DNAAF9: variants seen among roughly 807,000 people sequenced by gnomAD.
The protein encoded by DNAAF9 is shulin.
DNAAF9 carries 90 observed loss-of-function variants against 167.0 expected under a neutral mutation model. The ratio of observed to expected loss-of-function variants is 0.54; its 90% CI spans 0.45 to 0.64. DNAAF9 has a LOEUF of 0.64. DNAAF9 is among the 30% of genes least tolerant of loss of function. DNAAF9 has a pLI of 0.00. For missense variants in DNAAF9, 1,315 were observed against 1,442.2 expected, an observed-to-expected ratio of 0.91 and a Z score of 1.43; for synonymous variants, 491 against 508.8, an observed-to-expected ratio of 0.96 and a Z score of 0.47.
At chr20:3,308,341 C>CTTT (rs35610785) in intron 20 of DNAAF9, among the ~76,000 whole-genome samples, 13 of 105,434 alleles carry the variant, frequency 1.2e-4, no homozygotes, top group Non-Finnish European at 1.9e-4. Context: ...CAAAACTTTA[C>CTTT]TTTTTTTTTT....
rs780729818 is a variant in DNAAF9, at chr20:3,376,274, G to T, written c.312C>A (p.Ser104Arg). Residue 104 changes from serine to arginine, a missense_variant, in exon 4 of 37, where the codon AGC becomes AGA. Coordinates refer to ENST00000252032, the MANE Select transcript of DNAAF9 (RefSeq NM_001009984.3). ...DDVIILIKSD[S>R]VHLYCNPVNF... ...TTACAGGATTACAGTACAGATGGACGCTATCCGATTTAATCAATATAATTA... is the reference window on the plus strand; with the variant it reads ...TTACAGGATTACAGTACAGATGGACTCTATCCGATTTAATCAATATAATTA... 2 of 1,610,700 alleles carry T rather than the reference G, an allele frequency of 1.2e-6. No homozygotes were observed. Among genetic ancestry groups the T allele is most frequent in the Non-Finnish European group, 8.5e-7 (1 of 1,177,810 alleles).
At position 3,280,086 on chromosome 20, in the gene DNAAF9, C is replaced by T. The variant is rs572473962; in HGVS notation, c.2613-1137G>A. Among the ~76,000 whole-genome samples the T allele has an allele frequency of 3.5e-4, 53 of 152,212 alleles. 1 individual carries two copies. Among genetic ancestry groups the T allele is most frequent in the South Asian group, 2.1e-3 (10 of 4,818 alleles). ...TTGGGCTGTGAATCCTGTTCCCTTA[C>T]CTGACTCCCTCATAGTTTCTGAAGA... On this transcript the variant is annotated intron_variant, in intron 28 of 36. Coordinates refer to ENST00000252032, the MANE Select transcript of DNAAF9 (RefSeq NM_001009984.3).
intron 17 of DNAAF9, among the ~76,000 whole-genome samples, chr20:3,317,857 A>T (rs1026135128): frequency 2.0e-5 from 3 of 152,114 alleles, no homozygotes; most frequent in African/African-American, 7.2e-5. Context: ...TTGGGCTCCC[A>T]AAGTGCTGGG....
At chr20:3,299,151 C>T (rs938033720) in intron 21 of DNAAF9, among the ~76,000 whole-genome samples, 2 of 151,600 alleles carry the variant, frequency 1.3e-5, no homozygotes, top group Admixed American at 1.3e-4. Flanking sequence ...TCATAATCCG[C>T]CCGCCTTGGC....
At position 3,281,684 on chromosome 20, in the gene DNAAF9, T is replaced by G. The variant is rs1365465989; in HGVS notation, c.2569A>C (p.Ile857Leu). The change falls in exon 28 of 37, where the codon ATC becomes CTC. Residue 857 changes from isoleucine to leucine, a missense_variant. Around this residue, in one of 2 missense-constraint regions of DNAAF9, gnomAD observed 334 missense variants for 429.7 expected, o/e 0.78. Coordinates refer to ENST00000252032, the MANE Select transcript of DNAAF9 (RefSeq NM_001009984.3). ...CTCATGGGCTCCACACATGCTGTGATGGCACCAATGGTGAAGGAGGCCTTG... is the reference window on the plus strand; with the variant it reads ...CTCATGGGCTCCACACATGCTGTGAGGGCACCAATGGTGAAGGAGGCCTTG... ...NVKASFTIGAITACVEPMSCY... is the reference protein window; with the variant it reads ...NVKASFTIGALTACVEPMSCY... The G allele has an allele frequency of 6.2e-7, 1 of 1,612,912 alleles. No individual in the cohort carries two copies. Among genetic ancestry groups the G allele is most frequent in the Non-Finnish European group, 8.5e-7 (1 of 1,179,488 alleles).
At position 3,294,617 on chromosome 20, in the gene DNAAF9, T is replaced by A; in HGVS notation, c.2031A>T (p.Ala677=). 6.2e-7 allele frequency: 1 copy of A among 1,608,492 alleles called. No homozygotes were observed. The highest frequency in any genetic ancestry group is 1.3e-5 in the African/African-American group (1 of 74,912). ...SVEQKRLHSS[A]QKLFSALSQP... ...GGCTCAGGGCACTGAAGAGCTTCTG[T>A]GCACTGGAGTGCCTGGAATAACAAA... The change falls in exon 24 of 37, where the codon GCA becomes GCT. Residue 677 remains alanine, a synonymous_variant. Transcript: ENST00000252032.
At chr20:3,268,889 CTA>C (rs1274532980) in intron 30 of DNAAF9, among the ~76,000 whole-genome samples, 45 of 114,704 alleles carry the variant, frequency 3.9e-4, no homozygotes, top group African/African-American at 1.4e-3. Context: ...GATAATATCT[CTA>C]TGTTACTTTT....
intron 7 of DNAAF9, among the ~76,000 whole-genome samples, chr20:3,357,715 G>A (rs1055467031): frequency 2.8e-4 from 42 of 151,628 alleles, no homozygotes; most frequent in Admixed American, 7.9e-4. Flanking sequence ...TTTTTAGACA[G>A]AATCTCGCTG....
In DNAAF9 at chr20:3,275,517, G is replaced by T. The variant is rs938047064; in HGVS notation, c.2650+3395C>A. The stretch of plus-strand genomic sequence containing the variant: ...TGTACCATATGGACAAAGCTTGTGG[G>T]GTTGGGATTCTAGGTCAGGAACTGG... On this transcript the variant is annotated intron_variant, in intron 29 of 36. Coordinates refer to ENST00000252032, the MANE Select transcript of DNAAF9 (RefSeq NM_001009984.3). Among the ~76,000 whole-genome samples, 22 of 152,190 alleles carry T rather than the reference G, an allele frequency of 1.4e-4. 1 individual carries two copies. The highest frequency in any genetic ancestry group is 1.4e-3 in the Admixed American group (22 of 15,284).
intron 9 of DNAAF9, among the ~76,000 whole-genome samples, chr20:3,342,565 T>C (rs1284146868): frequency 6.6e-6 from 1 of 152,198 alleles, no homozygotes; most frequent in Admixed American, 6.5e-5. Flanking sequence ...GTGAGCGCCA[T>C]GTAAAGAATT....
intron 20 of DNAAF9, among the ~76,000 whole-genome samples, chr20:3,313,446 A>G (rs1294983063): frequency 2.6e-5 from 4 of 152,254 alleles, no homozygotes; most frequent in Non-Finnish European, 5.9e-5. Context: ...AATATTTTCA[A>G]CAAGAAGAAC....
chr20:3,296,109 G>T, intron 23 of DNAAF9: 1 of 674,702 alleles, frequency 1.5e-6, no homozygotes, highest in African/African-American at 1.8e-5. Flanking sequence ...TCAGGAAAAT[G>T]CACTTTACAT....
chr20:3,351,815 AT>A (rs1355362552), intron 7 of DNAAF9, among the ~76,000 whole-genome samples: 1 of 149,018 alleles, frequency 6.7e-6, no homozygotes, highest in Non-Finnish European at 1.5e-5. Flanking sequence ...GTTTTATGCT[AT>A]TTTCTGAGTT....
chr20:3,342,425 A>G (rs1192293336), intron 9 of DNAAF9, among the ~76,000 whole-genome samples: 1 of 152,136 alleles, frequency 6.6e-6, no homozygotes, highest in East Asian at 1.9e-4. Context: ...ACTACCCTAT[A>G]AACTTTATGA....
rs1568610125 is a variant in DNAAF9 at position 3,332,885 on chromosome 20, TGC to T, written c.982-526_982-525del. On this transcript the variant is annotated intron_variant, in intron 10 of 36. Coordinates refer to ENST00000252032, the MANE Select transcript of DNAAF9 (RefSeq NM_001009984.3). The stretch of plus-strand genomic sequence containing the variant: ...GCGTGTGCGTGCGTGCATGCGTGTG[TGC>T]GTGTGTGCGTGTGGTGTGTGTGTGT... Among the ~76,000 whole-genome samples, 36 of 139,158 alleles carry T rather than the reference TGC, an allele frequency of 2.6e-4. 1 individual carries two copies. The highest frequency in any genetic ancestry group is 4.1e-4 in the Non-Finnish European group (27 of 65,518). 91.3% of individuals were successfully genotyped at this position (139,158 alleles called of 152,430 possible). A position where few individuals can be genotyped will look rare whatever the true frequency, so the allele number is the denominator to read the frequency against.
chr20:3,295,493 TA>T, intron 23 of DNAAF9: 6 of 288,954 alleles, frequency 2.1e-5, no homozygotes, highest in South Asian at 3.5e-5. Context: ...TTTTTTTTTT[TA>T]AAGAAGCCCA....
In DNAAF9 at chr20:3,381,397, A is replaced by C; in HGVS notation, c.265T>G (p.Ser89Ala). 6.2e-7 allele frequency: 1 copy of C among 1,611,938 alleles called. No homozygotes were observed. The highest frequency in any genetic ancestry group is 8.5e-7 in the Non-Finnish European group (1 of 1,178,138). The change falls in exon 3 of 37, where the codon TCT becomes GCT. Residue 89 changes from serine to alanine, a missense_variant. Transcript: ENST00000252032. ...TACTTACCATCTAGTACTTCTTCAGAAAATCCCGTTTTCTCAAAATCACTG... is the reference window on the plus strand; with the variant it reads ...TACTTACCATCTAGTACTTCTTCAGCAAATCCCGTTTTCTCAAAATCACTG... ...NTSDFEKTGF[S>A]EEVLDDVIIL...
chr20:3,269,985 G>T (rs570518403), intron 30 of DNAAF9, among the ~76,000 whole-genome samples: 4 of 150,268 alleles, frequency 2.7e-5, no homozygotes, highest in East Asian at 3.9e-4. Context: ...TTCAAAAACT[G>T]TTTTTTTTCT....
At chr20:3,336,258 G>GTTTTTTTTTTTTTTT (rs367718705) in intron 10 of DNAAF9, among the ~76,000 whole-genome samples, 6 of 113,556 alleles carry the variant, frequency 5.3e-5, no homozygotes, top group African/African-American at 1.0e-4. Context: ...TTGCGTTTTT[G>GTTTTTTTTTTTTTTT]TTTTTTTTTT....
Sources: gnomAD v4.1 joint callset for allele counts (sites outside exome capture counted in the v4.1 genomes callset) on GRCh38, gnomAD v4.1.1 for gene constraint, gnomAD v4.1.1 regional missense constraint, MANE v1.5 for transcripts, NCBI Gene and HGNC (gene_info 2026-07-23, HGNC 2026-07-21) for gene names.